Variants in PSMD1 observed in about 807,000 individuals in gnomAD.
The protein encoded by PSMD1 is proteasome 26S subunit, non-ATPase 1.
A neutral mutation model predicts 119.0 loss-of-function variants in PSMD1; 18 were observed. That is an observed-to-expected ratio of 0.15 (90% CI 0.10 to 0.22). The LOEUF (loss-of-function observed/expected upper bound fraction) is 0.22, where lower values mean the gene tolerates loss of function less well. Ranked by LOEUF, PSMD1 falls within the 10% of genes least tolerant of loss-of-function variation. PSMD1 has a pLI of 1.00. For synonymous variants in PSMD1, 374 were observed against 396.6 expected (o/e 0.94, Z 0.68); for missense variants, 702 against 1,158.5 (o/e 0.61, Z 5.72).
At chr2:231,071,609 T>C (rs1402463846) in intron 6 of PSMD1, among the ~76,000 whole-genome samples, 1 of 152,172 alleles carries the variant, frequency 6.6e-6, no homozygotes, top group East Asian at 1.9e-4. Flanking sequence ...ATAATAACTT[T>C]GATTAATGTG....
Position 231,070,132 on chromosome 2 carries a change from G to A in PSMD1, c.618G>A (p.Met206Ile). The change falls in exon 6 of 25, where the codon ATG (methionine) becomes ATA (isoleucine). Residue 206 changes from methionine (M) to isoleucine (I), a missense_variant. Around this residue, in one of 9 missense-constraint regions of PSMD1, gnomAD observed 32 missense variants for 77.1 expected, o/e 0.42. Transcript: ENST00000308696. Reference protein sequence around the residue: ...KVLRVLVKIYMNLEKPDFINV... With the variant: ...KVLRVLVKIYINLEKPDFINV... ...TAAGAGTTCTAGTTAAAATCTACATGAACTTGGAGAAACCTGATTTCATCA... is the reference window on the plus strand; with the variant it reads ...TAAGAGTTCTAGTTAAAATCTACATAAACTTGGAGAAACCTGATTTCATCA... 1 of 1,557,606 alleles carries A rather than the reference G, an allele frequency of 6.4e-7. No homozygotes were observed. Among genetic ancestry groups the A allele is most frequent in the Admixed American group, 2.2e-5 (1 of 44,666 alleles).
At chr2:231,136,800 A>G (rs1299544288) in intron 16 of PSMD1, among the ~76,000 whole-genome samples, 3 of 151,688 alleles carry the variant, frequency 2.0e-5, no homozygotes, top group Admixed American at 6.6e-5. Context: ...TTCTTCCAAT[A>G]CTTTCAAAGT....
intron 23 of PSMD1, among the ~76,000 whole-genome samples, chr2:231,169,493 T>C (rs1696863683): frequency 6.6e-6 from 1 of 151,922 alleles, no homozygotes; most frequent in Non-Finnish European, 1.5e-5. Flanking sequence ...TGTAGAAAAA[T>C]GTATAGATAT....
At chr2:231,111,829 T>C (rs1308668704) in intron 16 of PSMD1, among the ~76,000 whole-genome samples, 4 of 152,240 alleles carry the variant, frequency 2.6e-5, no homozygotes, top group African/African-American at 9.6e-5. Flanking sequence ...AGTCTTCCTT[T>C]TAATCTTTTT....
intron 23 of PSMD1, among the ~76,000 whole-genome samples, chr2:231,167,907 T>A (rs926125678): frequency 6.6e-6 from 1 of 152,210 alleles, no homozygotes; most frequent in African/African-American, 2.4e-5. Flanking sequence ...ACATCATTAC[T>A]CATTAGGAAA....
intron 24 of PSMD1, among the ~76,000 whole-genome samples, chr2:231,171,764 C>T (rs1696917385): frequency 6.6e-6 from 1 of 152,094 alleles, no homozygotes; most frequent in South Asian, 2.1e-4. Context: ...CCATGTTGGT[C>T]AGGCCGGTCT....
chr2:231,069,669 A>G (rs1006176764), intron 5 of PSMD1, among the ~76,000 whole-genome samples: 2 of 152,212 alleles, frequency 1.3e-5, no homozygotes, highest in Admixed American at 6.5e-5. Context: ...AGAAGCAGAA[A>G]GACTTCAGCA....
At chr2:231,120,839 A>G (rs1355051012) in intron 16 of PSMD1, among the ~76,000 whole-genome samples, 1 of 152,234 alleles carries the variant, frequency 6.6e-6, no homozygotes, top group East Asian at 1.9e-4. Context: ...TAGAAGTCCT[A>G]AAGATTAACA....
chr2:231,106,439 G>A (rs986626180), intron 16 of PSMD1, among the ~76,000 whole-genome samples: 7 of 152,064 alleles, frequency 4.6e-5, no homozygotes, highest in African/African-American at 9.7e-5. Flanking sequence ...CCAACACAGC[G>A]AAACCCCATC....
chr2:231,068,753 G>A (rs1271622216), intron 5 of PSMD1, among the ~76,000 whole-genome samples: 1 of 152,082 alleles, frequency 6.6e-6, no homozygotes, highest in Non-Finnish European at 1.5e-5. Context: ...CTTGTGTTCA[G>A]ATAACCCTTA....
intron 16 of PSMD1, chr2:231,125,221 C>T (rs1450049630): frequency 6.6e-6 from 1 of 152,216 alleles, no homozygotes; most frequent in African/African-American, 2.4e-5. Context: ...GCATGTTGAA[C>T]CAGTTCATGG....
intron 1 of PSMD1, among the ~76,000 whole-genome samples, chr2:231,059,185 A>G (rs1014535280): frequency 6.6e-6 from 1 of 152,230 alleles, no homozygotes; most frequent in African/African-American, 2.4e-5. Flanking sequence ...ATAATTTTTG[A>G]GGTCCTATCC....
At chr2:231,141,111 C>T (rs1362899980) in intron 17 of PSMD1, among the ~76,000 whole-genome samples, 5 of 152,148 alleles carry the variant, frequency 3.3e-5, no homozygotes, top group Non-Finnish European at 7.4e-5. Context: ...AGTTCAAGAC[C>T]AGCCTGCCTA....
chr2:231,078,124 C>T (rs1265702152), intron 9 of PSMD1, among the ~76,000 whole-genome samples: 5 of 152,096 alleles, frequency 3.3e-5, no homozygotes, highest in Non-Finnish European at 5.9e-5. Flanking sequence ...AAAAATTAGC[C>T]GGGCATGGTG....
chr2:231,158,571 T>G (rs1428463835), intron 19 of PSMD1, among the ~76,000 whole-genome samples: 2 of 152,320 alleles, frequency 1.3e-5, no homozygotes, highest in Admixed American at 6.5e-5. Context: ...TAGATTTCAT[T>G]GAACTAAAAG....
intron 16 of PSMD1, among the ~76,000 whole-genome samples, chr2:231,110,911 G>A (rs1695137494): frequency 6.6e-6 from 1 of 152,296 alleles, no homozygotes; most frequent in East Asian, 1.9e-4. Context: ...ACCCTTTATA[G>A]AAAAAGTTTG....
intron 16 of PSMD1, among the ~76,000 whole-genome samples, chr2:231,114,665 ACT>A (rs1695271593): frequency 6.6e-6 from 1 of 152,092 alleles, no homozygotes. Context: ...TATTTAACAA[ACT>A]CTTATAAAAC....
chr2:231,137,071 G>A (rs1232007992), intron 16 of PSMD1, among the ~76,000 whole-genome samples: 1 of 142,000 alleles, frequency 7.0e-6, no homozygotes, highest in Non-Finnish European at 1.5e-5. Context: ...ATATTTTTAT[G>A]TATAATATAT....
chr2:231,067,642 T>C (rs1358497925), intron 5 of PSMD1, among the ~76,000 whole-genome samples: 2 of 152,138 alleles, frequency 1.3e-5, no homozygotes, highest in Non-Finnish European at 2.9e-5. Flanking sequence ...CCAAAAATAT[T>C]TTTTACATTT....
Sources: allele counts gnomAD v4.1 joint callset (sites outside exome capture counted in the v4.1 genomes callset), GRCh38; gene constraint gnomAD v4.1.1; regional missense constraint gnomAD v4.1.1; transcripts MANE v1.5; gene names NCBI Gene and HGNC (gene_info 2026-07-23, HGNC 2026-07-21).